The following NEGR1 variants were observed in gnomAD, a reference collection of about 807,000 sequenced individuals.
NEGR1 encodes the protein IgLON family member 4.
Under a neutral mutation model 40.9 loss-of-function variants are expected in NEGR1, and 10 were observed. The observed-to-expected ratio is 0.24, with a 90% confidence interval of 0.15 to 0.42. NEGR1 has a LOEUF of 0.42. Among genes scored for constraint, NEGR1 ranks in the 10% least tolerant of loss-of-function variants. The pLI is 1.00. For missense variants in NEGR1, 352 were observed against 438.9 expected, an observed-to-expected ratio of 0.80 and a Z score of 1.77; for synonymous variants, 185 against 166.8, an observed-to-expected ratio of 1.11 and a Z score of -0.84.
intron 4 of NEGR1, among the ~76,000 whole-genome samples, chr1:71,673,257 T>G (rs1414070): frequency 0.98 from 149,667 of 152,210 alleles, 73,623 homozygotes; most frequent in Middle Eastern, 1. Flanking sequence ...CCATATACTA[T>G]GTCCAGGACA....
intron 6 of NEGR1, among the ~76,000 whole-genome samples, chr1:71,500,302 T>G (rs963374421): frequency 6.6e-6 from 1 of 152,042 alleles, no homozygotes; most frequent in Non-Finnish European, 1.5e-5. Flanking sequence ...ACGGCCAAAT[T>G]AATGACCTAT....
intron 1 of NEGR1, among the ~76,000 whole-genome samples, chr1:72,028,036 C>G (rs183357308): frequency 9.9e-5 from 15 of 152,202 alleles, no homozygotes; most frequent in African/African-American, 3.6e-4. Context: ...CTGGTCCTGT[C>G]TCCAACCTAT....
chr1:71,415,587 G>C (rs142798364), intron 6 of NEGR1, among the ~76,000 whole-genome samples: 4 of 152,060 alleles, frequency 2.6e-5, no homozygotes, highest in African/African-American at 9.7e-5. Flanking sequence ...CTAATTTGAG[G>C]TAAGGAGAAT....
At chr1:71,791,821 G>C (rs1657129519) in intron 2 of NEGR1, among the ~76,000 whole-genome samples, 1 of 152,096 alleles carries the variant, frequency 6.6e-6, no homozygotes, top group Non-Finnish European at 1.5e-5. Context: ...AGGAAGGGCA[G>C]GTGGAGAGGA....
chr1:71,956,712 A>T (rs988045172), intron 1 of NEGR1, among the ~76,000 whole-genome samples: 6 of 152,150 alleles, frequency 3.9e-5, no homozygotes, highest in Non-Finnish European at 8.8e-5. Flanking sequence ...TTTAATGGAC[A>T]TGTAAGTACA....
At chr1:71,935,801 G>A (rs560741706) in intron 1 of NEGR1, among the ~76,000 whole-genome samples, 2 of 151,884 alleles carry the variant, frequency 1.3e-5, no homozygotes, top group Admixed American at 1.3e-4. Flanking sequence ...TTATTTATTT[G>A]TTTCTTTCTT....
chr1:71,499,286 T>C (rs2101398100), intron 6 of NEGR1, among the ~76,000 whole-genome samples: 1 of 151,946 alleles, frequency 6.6e-6, no homozygotes, highest in South Asian at 2.1e-4. Context: ...TGGACCAGAT[T>C]ATATTTCAAT....
intron 6 of NEGR1, among the ~76,000 whole-genome samples, chr1:71,534,801 C>A (rs1332704118): frequency 2.0e-5 from 3 of 151,516 alleles, no homozygotes; most frequent in South Asian, 2.1e-4. Context: ...GTTAGAAATG[C>A]CAGGCCTCAT....
intron 1 of NEGR1, among the ~76,000 whole-genome samples, chr1:72,242,610 T>C (rs1654781562): frequency 6.6e-6 from 1 of 151,680 alleles, no homozygotes; most frequent in African/African-American, 2.4e-5. Context: ...AATTTACTCA[T>C]GATATTATAT....
At chr1:71,866,113 T>C (rs1274106680) in intron 2 of NEGR1, among the ~76,000 whole-genome samples, 1 of 152,062 alleles carries the variant, frequency 6.6e-6, no homozygotes, top group Non-Finnish European at 1.5e-5. Flanking sequence ...AAGACACCTT[T>C]CCCTTTACTT....
chr1:71,572,055 G>A (rs1047810351), intron 6 of NEGR1, among the ~76,000 whole-genome samples: 1 of 152,076 alleles, frequency 6.6e-6, no homozygotes, highest in Non-Finnish European at 1.5e-5. Flanking sequence ...AATTAGCTCT[G>A]AGTATTAGCC....
chr1:72,005,944 A>G (rs949916462), intron 1 of NEGR1, among the ~76,000 whole-genome samples: 1 of 152,120 alleles, frequency 6.6e-6, no homozygotes, highest in Admixed American at 6.6e-5. Context: ...TTCTAATACA[A>G]TTTTACTCAT....
At chr1:71,593,021 T>A (rs1649558485) in intron 5 of NEGR1, 53 bp from the exon 6 acceptor site, 1 of 1,341,048 alleles carries the variant, frequency 7.5e-7, no homozygotes, top group Admixed American at 1.8e-5. Context: ...ACCAGTTTCA[T>A]TTTTTTATCT....
intron 6 of NEGR1, among the ~76,000 whole-genome samples, chr1:71,510,121 G>T (rs1569966264): frequency 6.6e-6 from 1 of 152,158 alleles, no homozygotes; most frequent in South Asian, 2.1e-4. Flanking sequence ...AAATAAAAAG[G>T]AATGGTGGCT....
At chr1:72,170,928 C>T (rs1651940336) in intron 1 of NEGR1, among the ~76,000 whole-genome samples, 1 of 152,116 alleles carries the variant, frequency 6.6e-6, no homozygotes, top group African/African-American at 2.4e-5. Context: ...GTCTGTGCTC[C>T]TGGGCTTTGA....
intron 4 of NEGR1, among the ~76,000 whole-genome samples, chr1:71,669,284 G>A (rs545796491): frequency 1.4e-3 from 214 of 151,978 alleles, no homozygotes; most frequent in African/African-American, 5.0e-3. Context: ...AGTGTGTCTG[G>A]ACAGTCTTTT....
intron 6 of NEGR1, among the ~76,000 whole-genome samples, chr1:71,546,966 T>A (rs1647918835): frequency 6.6e-6 from 1 of 151,720 alleles, no homozygotes; most frequent in Non-Finnish European, 1.5e-5. Context: ...CAAATTTAGA[T>A]GGACCATAAT....
At chr1:72,130,057 A>C (rs1002649925) in intron 1 of NEGR1, among the ~76,000 whole-genome samples, 3 of 152,160 alleles carry the variant, frequency 2.0e-5, no homozygotes, top group Admixed American at 6.5e-5. Context: ...TCCTCTGCTA[A>C]GTCTCTTAAT....
rs929530625 is a variant in NEGR1 at position 71,405,528 on chromosome 1, A to C, written c.*1918T>G. ...CTAAAAACTCTTTTTTAATGTATCA[A>C]TCAAAATAATGTCATACATTTATTA... On this transcript the variant is annotated 3_prime_UTR_variant, in exon 7 of 7. Transcript: ENST00000357731. The C allele has an allele frequency of 6.6e-6, 1 of 152,258 alleles. No individual in the cohort carries two copies. Among genetic ancestry groups the C allele is most frequent in the African/African-American group, 2.4e-5 (1 of 41,424 alleles). The allele number at this position is 152,258 out of a possible 1,614,324, so 9.4% of individuals were successfully genotyped here.
Sources: allele counts gnomAD v4.1 joint callset (sites outside exome capture counted in the v4.1 genomes callset), GRCh38; gene constraint gnomAD v4.1.1; transcripts MANE v1.5; gene names NCBI Gene and HGNC (gene_info 2026-07-23, HGNC 2026-07-21).